Variants in EFR3B observed in about 807,000 individuals in gnomAD.
EFR3B encodes EFR3 homolog B.
EFR3B carries 64 observed loss-of-function variants against 104.7 expected under a neutral mutation model. The ratio of observed to expected loss-of-function variants is 0.61; its 90% CI spans 0.50 to 0.75. EFR3B has a LOEUF of 0.75. Among genes scored for constraint, EFR3B ranks in the 30% least tolerant of loss-of-function variants. The pLI is 0.00. For synonymous variants in EFR3B, 385 were observed against 417.9 expected (o/e 0.92, Z 0.96); for missense variants, 750 against 1,078.5 (o/e 0.70, Z 4.27).
chr2:25,079,793 C>CA (rs1346223774), intron 1 of EFR3B: 2 of 667,360 alleles, frequency 3.0e-6, no homozygotes, highest in African/African-American at 1.8e-5. Context: ...TGTATACCTA[C>CA]ATGGCAATTA....
At position 25,155,217 on chromosome 2, in the gene EFR3B, C is replaced by A. The variant is rs1203630195; in HGVS notation, c.*877C>A. The A allele has an allele frequency of 6.6e-6, 1 of 152,144 alleles. No individual in the cohort carries two copies. The highest frequency in any genetic ancestry group is 2.4e-5 in the African/African-American group (1 of 41,410). 9.4% of individuals were successfully genotyped at this position (152,144 alleles called of 1,614,324 possible). On this transcript the variant is annotated 3_prime_UTR_variant, in exon 23 of 23. Transcript: ENST00000403714. ...ATCTTGGAGGGGAACTACAGGGTCC[C>A]CAAGATTTGCCCACATCACCTCCTA...
chr2:25,093,230 C>A, intron 3 of EFR3B, 100 bp downstream of exon 3: 1 of 1,445,642 alleles, frequency 6.9e-7, no homozygotes, highest in South Asian at 1.4e-5. Flanking sequence ...CAGAGTGGCT[C>A]ACGCCTGTAA....
Position 25,131,226 on chromosome 2 carries a change from G to A in EFR3B, c.850-142G>A, listed in dbSNP as rs570644269. 20 of 1,104,166 alleles carry A rather than the reference G, an allele frequency of 1.8e-5. No homozygotes were observed. Among genetic ancestry groups the A allele is most frequent in the East Asian group, 7.8e-5 (3 of 38,392 alleles). The allele number at this position is 1,104,166 out of a possible 1,614,324, so 68.4% of individuals were successfully genotyped here. On this transcript the variant is annotated intron_variant, in intron 8 of 22. Coordinates refer to ENST00000403714, the MANE Select transcript of EFR3B (RefSeq NM_014971.2). The surrounding 1 kb of genome is among the most constrained non-coding windows in gnomAD (Gnocchi z 7.6). ...AAGGGAAGGATCCAGTAAAGGGCACGAGGTGTCAGTGCCAACTGCAGTGCC... is the reference window on the plus strand; with the variant it reads ...AAGGGAAGGATCCAGTAAAGGGCACAAGGTGTCAGTGCCAACTGCAGTGCC...
chr2:25,138,911 C>T (rs1670589295), intron 15 of EFR3B, 148 bp from the exon 16 acceptor site: 4 of 1,153,122 alleles, frequency 3.5e-6, no homozygotes, highest in Non-Finnish European at 4.8e-6. Context: ...TTTTTTCCCC[C>T]AGGAAGGTTT....
chr2:25,042,141 C>G lies in EFR3B; in HGVS notation c.-172C>G. 1.9e-6 allele frequency: 1 copy of G among 538,638 alleles called. No individual in the cohort carries two copies. The highest frequency in any genetic ancestry group is 2.7e-6 in the Non-Finnish European group (1 of 371,718). 33.4% of individuals were successfully genotyped at this position (538,638 alleles called of 1,614,324 possible). On this transcript the variant is annotated 5_prime_UTR_variant, in exon 1 of 23. Coordinates refer to ENST00000403714, the MANE Select transcript of EFR3B (RefSeq NM_014971.2). The surrounding 1 kb of genome is among the most constrained non-coding windows in gnomAD (Gnocchi z 5.4). Reference sequence around the variant, plus strand: ...CCGGCGCTGAATGGGCTGGCGGCGCCCGGCTCCGTCCTGCCCGCGGCCGGC... The same window carrying G: ...CCGGCGCTGAATGGGCTGGCGGCGCGCGGCTCCGTCCTGCCCGCGGCCGGC...
intron 21 of EFR3B, among the ~76,000 whole-genome samples, chr2:25,153,281 G>C (rs1304440309): frequency 6.6e-6 from 1 of 152,114 alleles, no homozygotes; most frequent in Non-Finnish European, 1.5e-5. Context: ...TTGAACCCAG[G>C]AGGTAGAGGT....
At chr2:25,144,914 T>C (rs1300206164) in intron 18 of EFR3B, 46 bp from the exon 19 acceptor site, 38 of 1,525,602 alleles carry the variant, frequency 2.5e-5, no homozygotes, top group Non-Finnish European at 3.4e-5. Flanking sequence ...CAGTCCTGGA[T>C]CTCTGAGGGC....
chr2:25,091,740 C>A (rs529879618), intron 2 of EFR3B, among the ~76,000 whole-genome samples: 12 of 152,202 alleles, frequency 7.9e-5, no homozygotes, highest in Non-Finnish European at 1.6e-4. Context: ...TTTGAGTGAT[C>A]GTAGCTCCCT....
intron 4 of EFR3B, among the ~76,000 whole-genome samples, chr2:25,118,198 C>G (rs1198964738): frequency 6.6e-6 from 1 of 152,166 alleles, no homozygotes; most frequent in East Asian, 1.9e-4. Flanking sequence ...CCGGGCTGGT[C>G]TCGAACTCCT....
At chr2:25,059,379 C>T (rs529599583) in intron 1 of EFR3B, among the ~76,000 whole-genome samples, 2 of 151,904 alleles carry the variant, frequency 1.3e-5, no homozygotes, top group East Asian at 1.9e-4. Context: ...CCACCACACC[C>T]GGCCAATATT....
chr2:25,115,208 A>G (rs1256931323), intron 4 of EFR3B, among the ~76,000 whole-genome samples: 1 of 152,176 alleles, frequency 6.6e-6, no homozygotes, highest in African/African-American at 2.4e-5. Flanking sequence ...AAGAAAATGC[A>G]GATACCTAAG....
intron 5 of EFR3B, among the ~76,000 whole-genome samples, chr2:25,123,957 C>G (rs954514932): frequency 6.6e-6 from 1 of 152,218 alleles, no homozygotes; most frequent in Non-Finnish European, 1.5e-5. Context: ...CCATTACACC[C>G]ACAGGCTGGC....
At chr2:25,115,527 G>C (rs1669833670) in intron 4 of EFR3B, among the ~76,000 whole-genome samples, 1 of 152,210 alleles carries the variant, frequency 6.6e-6, no homozygotes, top group Non-Finnish European at 1.5e-5. Context: ...GTTGTGATCA[G>C]CTGGAAAATG....
chr2:25,076,796 C>A (rs1450977274), intron 1 of EFR3B, among the ~76,000 whole-genome samples: 1 of 152,136 alleles, frequency 6.6e-6, no homozygotes, highest in Non-Finnish European at 1.5e-5. Flanking sequence ...TCAGATTAAC[C>A]AAGATTGGCC....
At chr2:25,129,029 G>A (rs1161940717) in intron 6 of EFR3B, among the ~76,000 whole-genome samples, 2 of 138,374 alleles carry the variant, frequency 1.4e-5, no homozygotes, top group Non-Finnish European at 3.1e-5. Flanking sequence ...CGATCACTGC[G>A]GACTTTCCAT....
intron 6 of EFR3B, 76 bp from the exon 7 acceptor site, chr2:25,129,899 A>G (rs1670281429): frequency 6.6e-7 from 1 of 1,507,120 alleles, no homozygotes; most frequent in Non-Finnish European, 8.9e-7. Flanking sequence ...TGGATGAAAC[A>G]CGGAAAGCCG....
chr2:25,049,712 C>T (rs1359165380), intron 1 of EFR3B, among the ~76,000 whole-genome samples: 1 of 151,974 alleles, frequency 6.6e-6, no homozygotes, highest in East Asian at 1.9e-4. Flanking sequence ...GGTGGAGGCA[C>T]CAATGTGAGG....
chr2:25,148,910 A>T, intron 19 of EFR3B, among the ~76,000 whole-genome samples: 1 of 119,894 alleles, frequency 8.3e-6, no homozygotes, highest in African/African-American at 3.3e-5. Flanking sequence ...TGACAGAGCG[A>T]GACTCCGTCT....
intron 4 of EFR3B, among the ~76,000 whole-genome samples, chr2:25,113,707 T>C (rs1008030429): frequency 2.1e-5 from 3 of 145,638 alleles, no homozygotes; most frequent in African/African-American, 5.1e-5. Context: ...AAAAAAGAAA[T>C]AGTGACCAGT....
Sources: allele counts gnomAD v4.1 joint callset (sites outside exome capture counted in the v4.1 genomes callset), GRCh38; gene constraint gnomAD v4.1.1; non-coding constraint Gnocchi (gnomAD v3.1); transcripts MANE v1.5; gene names NCBI Gene and HGNC (gene_info 2026-07-23, HGNC 2026-07-21).